The following THSD7A variants were observed in gnomAD, a reference collection of about 807,000 sequenced individuals.
THSD7A encodes the protein thrombospondin type 1 domain containing 7A.
In THSD7A, 96 loss-of-function variants were observed where a neutral mutation model predicts 231.3. The observed-to-expected ratio is 0.41, with a 90% CI of 0.35 to 0.49. The LOEUF is 0.49. Ranked by LOEUF, THSD7A falls within the 20% of genes least tolerant of loss-of-function variation. The probability of loss-of-function intolerance (pLI) is 0.05; values close to 1 mark genes in which losing one functional copy is unlikely to be tolerated. For missense variants in THSD7A, 2,290 were observed against 2,070.2 expected (o/e 1.11, Z -2.06); for synonymous variants, 940 against 743.3 (o/e 1.26, Z -4.30).
At chr7:11,780,788 T>G (rs1425280231) in intron 1 of THSD7A, among the ~76,000 whole-genome samples, 3 of 151,958 alleles carry the variant, frequency 2.0e-5, no homozygotes, top group Non-Finnish European at 2.9e-5. Flanking sequence ...CAATGAGAGC[T>G]TTAATTTTAT....
intron 1 of THSD7A, among the ~76,000 whole-genome samples, chr7:11,671,610 G>A (rs1783398648): frequency 6.6e-6 from 1 of 151,966 alleles, no homozygotes; most frequent in African/African-American, 2.4e-5. Flanking sequence ...TGTTGTTTTT[G>A]TTTTCTAATT....
chr7:11,749,936 T>A (rs1337044438), intron 1 of THSD7A, among the ~76,000 whole-genome samples: 1 of 152,000 alleles, frequency 6.6e-6, no homozygotes, highest in Non-Finnish European at 1.5e-5. Context: ...TATGAACAGA[T>A]TCTGTCAAAC....
At chr7:11,761,814 G>C (rs1782871588) in intron 1 of THSD7A, among the ~76,000 whole-genome samples, 1 of 151,882 alleles carries the variant, frequency 6.6e-6, no homozygotes, top group Non-Finnish European at 1.5e-5. Context: ...AGTATGTTGG[G>C]TGATGCTGGG....
intron 1 of THSD7A, among the ~76,000 whole-genome samples, chr7:11,764,789 T>C (rs1782981914): frequency 6.6e-6 from 1 of 152,116 alleles, no homozygotes; most frequent in African/African-American, 2.4e-5. Context: ...ATTTATTCAA[T>C]TTCAGCCCTT....
intron 6 of THSD7A, among the ~76,000 whole-genome samples, chr7:11,504,072 A>G (rs192216955): frequency 6.6e-6 from 1 of 152,336 alleles, no homozygotes; most frequent in Non-Finnish European, 1.5e-5. Context: ...ATTCCCATCA[A>G]TGACAGACTG....
intron 1 of THSD7A, among the ~76,000 whole-genome samples, chr7:11,716,615 T>A (rs1277432968): frequency 8.5e-6 from 1 of 118,232 alleles, no homozygotes; most frequent in Non-Finnish European, 1.9e-5. Flanking sequence ...GACAATCCAA[T>A]AGACTATACA....
At position 11,801,676 on chromosome 7, in the gene THSD7A, T is replaced by G. The variant is rs1329414948; in HGVS notation, c.190+30081A>C. On this transcript the variant is annotated intron_variant, in intron 1 of 27. Transcript: ENST00000423059. The stretch of plus-strand genomic sequence containing the variant: ...TCCAAAAGAACTGGAAAAAAAAGAA[T>G]ACATTTTGTTTAGATGTGGAAAATG... Among the ~76,000 whole-genome samples, 8 of 152,152 alleles carry G rather than the reference T, an allele frequency of 5.3e-5. No individual in the cohort carries two copies. The East Asian group carries it at 1.5e-3, about 29-fold the overall frequency.
chr7:11,462,535 T>C (rs868139376), intron 9 of THSD7A, among the ~76,000 whole-genome samples: 1 of 152,208 alleles, frequency 6.6e-6, no homozygotes. Flanking sequence ...ATGGGACTCA[T>C]ACACATGTAA....
intron 16 of THSD7A, among the ~76,000 whole-genome samples, chr7:11,423,852 C>T (rs1784231918): frequency 6.6e-6 from 1 of 152,022 alleles, no homozygotes; most frequent in Non-Finnish European, 1.5e-5. Flanking sequence ...TTCTAGAGCC[C>T]TTAAGGATCA....
chr7:11,775,048 CAAACAAAAAACA>C (rs553747633), intron 1 of THSD7A, among the ~76,000 whole-genome samples: 3 of 151,500 alleles, frequency 2.0e-5, no homozygotes, highest in African/African-American at 7.3e-5. Context: ...GTCTCAAAAG[CAAACAAAAAACA>C]AAACAAACAA....
intron 7 of THSD7A, among the ~76,000 whole-genome samples, chr7:11,479,255 C>T (rs1786325310): frequency 6.6e-6 from 1 of 152,162 alleles, no homozygotes. Context: ...AGTTATCCAG[C>T]CTTCAGTATT....
chr7:11,762,417 G>A (rs530688833), intron 1 of THSD7A, among the ~76,000 whole-genome samples: 1 of 151,954 alleles, frequency 6.6e-6, no homozygotes, highest in Non-Finnish European at 1.5e-5. Context: ...TTTGACTTTA[G>A]TAACAGCCAT....
intron 6 of THSD7A, among the ~76,000 whole-genome samples, chr7:11,492,464 T>C (rs1306812673): frequency 1.3e-5 from 2 of 152,078 alleles, no homozygotes; most frequent in African/African-American, 4.8e-5. Flanking sequence ...TATAACTATA[T>C]TTGACTTTGG....
intron 1 of THSD7A, among the ~76,000 whole-genome samples, chr7:11,809,783 G>A (rs775964946): frequency 7.9e-5 from 12 of 152,094 alleles, no homozygotes; most frequent in Non-Finnish European, 1.6e-4. Context: ...ATGTTCATTG[G>A]TTTTCCTGCT....
chr7:11,567,136 A>G (rs1007149958), intron 4 of THSD7A, among the ~76,000 whole-genome samples: 9 of 152,136 alleles, frequency 5.9e-5, no homozygotes, highest in Non-Finnish European at 8.8e-5. Flanking sequence ...TCATACTGCT[A>G]TAAAGTACTG....
chr7:11,393,201 A>G (rs1309650789), intron 23 of THSD7A, among the ~76,000 whole-genome samples: 9 of 152,212 alleles, frequency 5.9e-5, no homozygotes, highest in Admixed American at 5.9e-4. Context: ...AACTGGCAGC[A>G]ATCTTCGCTG....
chr7:11,482,835 G>C (rs932467452), intron 6 of THSD7A, among the ~76,000 whole-genome samples: 1 of 152,100 alleles, frequency 6.6e-6, no homozygotes, highest in Non-Finnish European at 1.5e-5. Context: ...TGCTGAATGC[G>C]TGAAATGAGA....
intron 23 of THSD7A, among the ~76,000 whole-genome samples, chr7:11,386,644 C>T (rs1241957363): frequency 1.3e-5 from 2 of 152,170 alleles, no homozygotes; most frequent in African/African-American, 4.8e-5. Flanking sequence ...CAAAATTTTT[C>T]TCCCAATCGG....
chr7:11,695,008 A>G (rs944956067), intron 1 of THSD7A, among the ~76,000 whole-genome samples: 3 of 151,558 alleles, frequency 2.0e-5, no homozygotes, highest in Admixed American at 2.0e-4. Context: ...ATTTAATCTC[A>G]GCAATAATCC....
Sources: allele counts gnomAD v4.1 joint callset (sites outside exome capture counted in the v4.1 genomes callset), GRCh38; gene constraint gnomAD v4.1.1; transcripts MANE v1.5; gene names NCBI Gene and HGNC (gene_info 2026-07-23, HGNC 2026-07-21).